MARCHF10: variants seen among roughly 807,000 people sequenced by gnomAD.
MARCHF10 encodes the protein membrane associated ring-CH-type finger 10.
Under a neutral mutation model 76.2 loss-of-function variants are expected in MARCHF10, and 64 were observed. The ratio of observed to expected loss-of-function variants is 0.84; its 90% CI spans 0.69 to 1.03. The LOEUF is 1.03. MARCHF10 is among the 50% of genes least tolerant of loss of function. The probability of loss-of-function intolerance (pLI) is 0.00; values close to 1 mark genes in which losing one functional copy is unlikely to be tolerated. For synonymous variants in MARCHF10, 340 were observed against 357.5 expected (o/e 0.95, Z 0.55); for missense variants, 875 against 958.0 (o/e 0.91, Z 1.14).
chr17:62,708,886 GT>G (rs2089754567), intron 9 of MARCHF10, among the ~76,000 whole-genome samples: 1 of 152,214 alleles, frequency 6.6e-6, no homozygotes, highest in South Asian at 2.1e-4. Context: ...GAGGAGACCA[GT>G]TGTTTATGGG....
chr17:62,704,194 G>T (rs1434841995), intron 10 of MARCHF10, among the ~76,000 whole-genome samples: 1 of 151,504 alleles, frequency 6.6e-6, no homozygotes, highest in Non-Finnish European at 1.5e-5. Flanking sequence ...GCTGGGACGC[G>T]CGGGGCGGGC....
chr17:62,748,096 A>C (rs1304656245), intron 4 of MARCHF10, among the ~76,000 whole-genome samples: 1 of 152,176 alleles, frequency 6.6e-6, no homozygotes, highest in Non-Finnish European at 1.5e-5. Context: ...TTGTGTGTAC[A>C]TGGGTTTAAG....
intron 3 of MARCHF10, among the ~76,000 whole-genome samples, chr17:62,775,880 G>A (rs183896116): frequency 1.3e-5 from 2 of 152,162 alleles, no homozygotes; most frequent in East Asian, 3.9e-4. Flanking sequence ...GCAGTGGTGT[G>A]ATCATAGCTC....
intron 5 of MARCHF10, among the ~76,000 whole-genome samples, chr17:62,743,247 G>A (rs1161148744): frequency 6.6e-6 from 1 of 152,216 alleles, no homozygotes; most frequent in Non-Finnish European, 1.5e-5. Flanking sequence ...CTGGGACCCT[G>A]TGGACATCTC....
intron 1 of MARCHF10, among the ~76,000 whole-genome samples, chr17:62,806,106 A>G (rs1360761082): frequency 6.6e-6 from 1 of 152,198 alleles, no homozygotes; most frequent in Non-Finnish European, 1.5e-5. Context: ...AGAAAACGGT[A>G]TTAGTGTCAG....
chr17:62,725,404 C>G (rs1451020999), intron 6 of MARCHF10, among the ~76,000 whole-genome samples: 1 of 152,186 alleles, frequency 6.6e-6, no homozygotes, highest in Admixed American at 6.5e-5. Flanking sequence ...AGCTGGATTA[C>G]AGGTGCATGC....
chr17:62,744,175 C>T (rs1386405154), intron 5 of MARCHF10, among the ~76,000 whole-genome samples: 1 of 152,164 alleles, frequency 6.6e-6, no homozygotes, highest in East Asian at 1.9e-4. Context: ...CCCCTTTTCC[C>T]ACCAGCCTCT....
chr17:62,738,445 G>C lies in MARCHF10; in HGVS notation c.536-1113C>G, dbSNP rs537730188. On this transcript the variant is annotated intron_variant, in intron 5 of 10. Transcript: ENST00000311269. This position sits in a 1 kb window ranked among gnomAD's most constrained non-coding sequence, Gnocchi z 4.0. ...ATGCCACTTACCTTTATTCCCTCCT[G>C]ACATCGGCCTCCCCCCGCTTTGTTC... is the stretch of plus-strand genomic sequence containing the variant. Among the ~76,000 whole-genome samples, 18 of 152,194 alleles carry C rather than the reference G, an allele frequency of 1.2e-4. No individual in the cohort carries two copies. Among genetic ancestry groups the C allele is most frequent in the Admixed American group, 6.5e-4 (10 of 15,280 alleles).
At chr17:62,749,589 G>A (rs1372206823) in intron 4 of MARCHF10, among the ~76,000 whole-genome samples, 2 of 152,226 alleles carry the variant, frequency 1.3e-5, no homozygotes, top group Non-Finnish European at 2.9e-5. Context: ...CTATTTGAGT[G>A]TGCGAGAAAT....
At chr17:62,701,793 C>A (rs772539507) in intron 10 of MARCHF10, 35 bp from the exon 11 acceptor site, 1 of 1,613,260 alleles carries the variant, frequency 6.2e-7, no homozygotes, top group Non-Finnish European at 8.5e-7. Flanking sequence ...GCTGGAGGGC[C>A]GCAGCAGACC....
intron 10 of MARCHF10, among the ~76,000 whole-genome samples, chr17:62,702,728 CTG>C (rs1221851856): frequency 1.3e-5 from 2 of 152,158 alleles, no homozygotes; most frequent in Non-Finnish European, 2.9e-5. Context: ...GTGGAAGAAA[CTG>C]TTGCACGGAG....
intron 4 of MARCHF10, 82 bp from the exon 5 acceptor site, chr17:62,744,610 C>A: frequency 6.6e-7 from 1 of 1,506,046 alleles, no homozygotes. Context: ...AAGGGCCCAG[C>A]AATGTTTGGG....
At chr17:62,758,558 T>G (rs944896332) in intron 4 of MARCHF10, among the ~76,000 whole-genome samples, 79 of 152,192 alleles carry the variant, frequency 5.2e-4, no homozygotes, top group African/African-American at 1.8e-3. Flanking sequence ...AGAAATTAAC[T>G]GTGATGATAC....
chr17:62,726,604 G>A (rs1293602157), intron 6 of MARCHF10, among the ~76,000 whole-genome samples: 3 of 152,166 alleles, frequency 2.0e-5, no homozygotes, highest in African/African-American at 7.2e-5. Flanking sequence ...TGAGAAGGTA[G>A]GCAGAAAAGT....
intron 4 of MARCHF10, among the ~76,000 whole-genome samples, chr17:62,747,479 G>T (rs1360291775): frequency 6.6e-6 from 1 of 152,178 alleles, no homozygotes; most frequent in Non-Finnish European, 1.5e-5. Context: ...GCTGCTATTA[G>T]TGTAGGCAGG....
At chr17:62,768,513 C>T (rs56177501) in intron 3 of MARCHF10, among the ~76,000 whole-genome samples, 1 of 152,132 alleles carries the variant, frequency 6.6e-6, no homozygotes, top group South Asian at 2.1e-4. Flanking sequence ...GGGCAAAATT[C>T]CGTCTCAAAA....
intron 5 of MARCHF10, among the ~76,000 whole-genome samples, chr17:62,743,905 G>T (rs1261797452): frequency 6.6e-6 from 1 of 152,168 alleles, no homozygotes; most frequent in East Asian, 1.9e-4. Context: ...GAAGATCTCT[G>T]CTGGGAGGTG....
chr17:62,805,297 G>A (rs17758538), intron 1 of MARCHF10, among the ~76,000 whole-genome samples: 7,086 of 152,250 alleles, frequency 0.047, 189 homozygotes, highest in Middle Eastern at 0.1. Context: ...ACTCTTTTCA[G>A]AAAACGATGG....
At chr17:62,769,351 G>A (rs1197920549) in intron 3 of MARCHF10, among the ~76,000 whole-genome samples, 1 of 152,178 alleles carries the variant, frequency 6.6e-6, no homozygotes, top group Non-Finnish European at 1.5e-5. Context: ...ACCTTTTAAT[G>A]TGCTTTGCCT....
Sources: gnomAD v4.1 joint callset for allele counts (sites outside exome capture counted in the v4.1 genomes callset) on GRCh38, gnomAD v4.1.1 for gene constraint, Gnocchi (gnomAD v3.1) non-coding constraint, MANE v1.5 for transcripts, NCBI Gene and HGNC (gene_info 2026-07-23, HGNC 2026-07-21) for gene names.